NSD1: variants seen among roughly 807,000 people sequenced by gnomAD.
The protein encoded by NSD1 is histone-lysine N-methyltransferase, H3 lysine-36 specific.
Under a neutral mutation model 242.7 loss-of-function variants are expected in NSD1, and 26 were observed. The ratio of observed to expected loss-of-function variants is 0.11; its 90% CI spans 0.08 to 0.15. The LOEUF is 0.15. Among genes scored for constraint, NSD1 ranks in the 10% least tolerant of loss-of-function variants. The probability of loss-of-function intolerance (pLI) is 1.00; values close to 1 mark genes in which losing one functional copy is unlikely to be tolerated. For missense variants in NSD1, 2,495 were observed against 3,272.8 expected (o/e 0.76, Z 5.80); for synonymous variants, 1,106 against 1,178.1 (o/e 0.94, Z 1.25).
At chr5:177,281,870 C>T (rs544355273) in intron 18 of NSD1, among the ~76,000 whole-genome samples, 1 of 152,252 alleles carries the variant, frequency 6.6e-6, no homozygotes, top group Admixed American at 6.5e-5. Flanking sequence ...CCAGGCTGGA[C>T]TTAAACTCCT....
chr5:177,277,898 A>G (rs1336600091), intron 17 of NSD1, among the ~76,000 whole-genome samples: 1 of 152,212 alleles, frequency 6.6e-6, no homozygotes, highest in South Asian at 2.1e-4. Flanking sequence ...ATGAACCTTT[A>G]TGTGTATTTG....
intron 18 of NSD1, among the ~76,000 whole-genome samples, chr5:177,281,506 G>A (rs1009423676): frequency 1.3e-5 from 2 of 152,026 alleles, no homozygotes; most frequent in African/African-American, 2.4e-5. Flanking sequence ...TAACCAAGAC[G>A]AGAGATATGG....
chr5:177,272,895 G>C (rs1365984349), intron 16 of NSD1, among the ~76,000 whole-genome samples: 4 of 152,030 alleles, frequency 2.6e-5, no homozygotes, highest in African/African-American at 9.7e-5. Flanking sequence ...AAAAAATAAA[G>C]TACGGTACTT....
chr5:177,210,024 T>C lies in NSD1; in HGVS notation c.1625T>C (p.Ile542Thr), dbSNP rs1162075087. 1.9e-6 allele frequency: 3 copies of C among 1,614,166 alleles called. No individual in the cohort carries two copies. Among genetic ancestry groups the C allele is most frequent in the Non-Finnish European group, 2.5e-6 (3 of 1,180,032 alleles). Reference protein sequence around the residue: ...NLGLNFISGDISDTQASNELS... With the variant: ...NLGLNFISGDTSDTQASNELS... ...GGCCTAAACTTTATCTCTGGGGATA[T>C]ATCTGATACGCAGGCCTCTAATGAA... is the stretch of plus-strand genomic sequence containing the variant. Residue 542 changes from isoleucine (I) to threonine (T), a missense_variant, in exon 5 of 23, where the codon ATA becomes ACA. Coordinates refer to ENST00000439151, the MANE Select transcript of NSD1 (RefSeq NM_022455.5).
chr5:177,168,337 G>T (rs1219163358), intron 2 of NSD1, among the ~76,000 whole-genome samples: 1 of 151,502 alleles, frequency 6.6e-6, no homozygotes, highest in African/African-American at 2.4e-5. Flanking sequence ...CTTATGATGG[G>T]TTTGTTGGGA....
intron 2 of NSD1, among the ~76,000 whole-genome samples, chr5:177,170,218 C>T (rs893322222): frequency 1.3e-5 from 2 of 151,874 alleles, no homozygotes; most frequent in African/African-American, 2.4e-5. Context: ...GTGATCTGCC[C>T]GCCTCCGCCT....
chr5:177,204,669 GTT>G (rs1314444494), intron 4 of NSD1, among the ~76,000 whole-genome samples: 1 of 152,132 alleles, frequency 6.6e-6, no homozygotes, highest in Non-Finnish European at 1.5e-5. Flanking sequence ...CTACTTGGGA[GTT>G]AGCAGAGAGG....
At chr5:177,218,450 A>T (rs1395534204) in intron 5 of NSD1, among the ~76,000 whole-genome samples, 1 of 150,900 alleles carries the variant, frequency 6.6e-6, no homozygotes, top group East Asian at 1.9e-4. Context: ...TGTGAAGGTC[A>T]TGTAGTTTTT....
intron 2 of NSD1, among the ~76,000 whole-genome samples, chr5:177,149,689 A>C (rs1049802366): frequency 6.6e-6 from 1 of 152,008 alleles, no homozygotes; most frequent in East Asian, 1.9e-4. Context: ...GAAGCGCGCA[A>C]CCTAGATCCC....
chr5:177,254,492 T>A (rs1756261173), intron 12 of NSD1, among the ~76,000 whole-genome samples: 1 of 151,956 alleles, frequency 6.6e-6, no homozygotes, highest in Non-Finnish European at 1.5e-5. Flanking sequence ...CTCCACCTCC[T>A]GGGTTCAAGC....
chr5:177,280,965 G>A (rs1758824498), intron 18 of NSD1, 131 bp downstream of exon 18: 3 of 1,035,618 alleles, frequency 2.9e-6, no homozygotes, highest in South Asian at 1.6e-5. Context: ...GTTGTGTCTT[G>A]CCATATCCTT....
chr5:177,227,326 A>C (rs1764706920), intron 5 of NSD1, among the ~76,000 whole-genome samples: 1 of 152,246 alleles, frequency 6.6e-6, no homozygotes, highest in Non-Finnish European at 1.5e-5. Flanking sequence ...TCTTAAATAC[A>C]TATGGCATTA....
At chr5:177,278,663 A>G (rs1193280245) in intron 17 of NSD1, among the ~76,000 whole-genome samples, 3 of 152,244 alleles carry the variant, frequency 2.0e-5, no homozygotes, top group South Asian at 2.1e-4. Flanking sequence ...TAATATGTCT[A>G]CCATGTTTAA....
chr5:177,153,891 C>G (rs1161309349), intron 2 of NSD1, among the ~76,000 whole-genome samples: 1 of 152,100 alleles, frequency 6.6e-6, no homozygotes, highest in Non-Finnish European at 1.5e-5. Context: ...GTTTTCTGCT[C>G]TATCAGTTAT....
chr5:177,185,613 ATATATAT>A (rs1173510827), intron 2 of NSD1, among the ~76,000 whole-genome samples: 3 of 140,646 alleles, frequency 2.1e-5, no homozygotes, highest in East Asian at 2.0e-4. Flanking sequence ...ACAAAACCAA[ATATATAT>A]TTGCTTTTTT....
chr5:177,192,167 G>A (rs1452479279), intron 3 of NSD1, 148 bp downstream of exon 3: 23 of 709,434 alleles, frequency 3.2e-5, no homozygotes, highest in South Asian at 1.1e-4. Flanking sequence ...GCTTTTAAAA[G>A]TTCGTTTTAC....
intron 2 of NSD1, among the ~76,000 whole-genome samples, chr5:177,183,718 A>G (rs769616426): frequency 3.3e-5 from 5 of 152,050 alleles, no homozygotes; most frequent in Non-Finnish European, 5.9e-5. Flanking sequence ...CATTATTTCT[A>G]ACTTTTTTTT....
rs1472705475 is a variant in NSD1 at position 177,298,172 on chromosome 5, C to T, written c.*2713C>T. On this transcript the variant is annotated 3_prime_UTR_variant, in exon 23 of 23. Coordinates refer to ENST00000439151, the MANE Select transcript of NSD1 (RefSeq NM_022455.5). ...GCCTTGCCAGCCCTGTGGGACGTCC[C>T]CTGAAGTTTGTAATAAGACCCCTTT... 4 of 233,118 alleles carry T rather than the reference C, an allele frequency of 1.7e-5. No homozygotes were observed. The highest frequency in any genetic ancestry group is 3.4e-5 in the Non-Finnish European group (4 of 118,022). The allele number at this position is 233,118 out of a possible 1,614,324, so 14.4% of individuals were successfully genotyped here.
intron 8 of NSD1, among the ~76,000 whole-genome samples, chr5:177,241,397 CAGG>C (rs1562248274): frequency 6.6e-6 from 1 of 151,202 alleles, no homozygotes; most frequent in Non-Finnish European, 1.5e-5. Flanking sequence ...CCCAGCTACT[CAGG>C]AGGCTGAGAC....
Sources: allele counts gnomAD v4.1 joint callset (sites outside exome capture counted in the v4.1 genomes callset), GRCh38; gene constraint gnomAD v4.1.1; transcripts MANE v1.5; gene names NCBI Gene and HGNC (gene_info 2026-07-23, HGNC 2026-07-21).